IFT140: variants seen among roughly 807,000 people sequenced by gnomAD.
IFT140 encodes intraflagellar transport 140, also known as intraflagellar transport protein 140 homolog.
IFT140 carries 133 observed loss-of-function variants against 164.6 expected under a neutral mutation model. That is an observed-to-expected ratio of 0.81 (90% CI 0.70 to 0.93). IFT140 has a LOEUF of 0.93. Ranked by LOEUF, IFT140 falls within the 40% of genes least tolerant of loss-of-function variation. The probability of loss-of-function intolerance (pLI) is 0.00; values close to 1 mark genes in which losing one functional copy is unlikely to be tolerated. For synonymous variants in IFT140, 860 were observed against 817.3 expected, an observed-to-expected ratio of 1.05 and a Z score of -0.89; for missense variants, 2,045 against 1,972.3, an observed-to-expected ratio of 1.04 and a Z score of -0.70.
At chr16:1,588,533 T>A (rs1199426504) in intron 7 of IFT140, among the ~76,000 whole-genome samples, 2 of 149,740 alleles carry the variant, frequency 1.3e-5, no homozygotes, top group Non-Finnish European at 3.0e-5. Flanking sequence ...TCAAAAATAA[T>A]AATAATAATA....
chr16:1,524,076 C>T (rs1485646329), intron 24 of IFT140, 120 bp from the exon 25 acceptor site: 29 of 1,302,058 alleles, frequency 2.2e-5, no homozygotes, highest in Non-Finnish European at 3.0e-5. Context: ...GCTCAGCGAT[C>T]TCTGCGGTGA....
chr16:1,553,667 A>G lies in IFT140; in HGVS notation c.2399+4268T>C. ...GAGGGAGGGGTGCTGGGTGGGCAGA[A>G]GCGGGGCTGGGGCTGAAGGCTGGCT... is the stretch of plus-strand genomic sequence containing the variant. On this transcript the variant is annotated intron_variant, in intron 19 of 30. Transcript: ENST00000426508. The surrounding 1 kb of genome is among the most constrained non-coding windows in gnomAD (Gnocchi z 4.4). 3.7e-6 allele frequency: 4 copies of G among 1,069,554 alleles called. No individual in the cohort carries two copies. The highest frequency in any genetic ancestry group is 4.6e-6 in the Non-Finnish European group (4 of 877,406). The allele number at this position is 1,069,554 out of a possible 1,614,324, so 66.3% of individuals were successfully genotyped here. A position where few individuals can be genotyped will look rare whatever the true frequency, so the allele number is the denominator to read the frequency against.
intron 15 of IFT140, 94 bp from the exon 16 acceptor site, chr16:1,566,385 G>T: frequency 8.2e-7 from 1 of 1,226,864 alleles, no homozygotes; most frequent in Non-Finnish European, 1.2e-6. Context: ...CATGTCAAGA[G>T]AAACACACCC....
chr16:1,513,812 T>C (rs906123425), intron 30 of IFT140, among the ~76,000 whole-genome samples: 4 of 149,718 alleles, frequency 2.7e-5, no homozygotes, highest in Admixed American at 6.6e-5. Context: ...TAGCTGGGAC[T>C]ACAGGCGCCC....
At chr16:1,530,133 C>CTTTT (rs922819138) in intron 19 of IFT140, among the ~76,000 whole-genome samples, 33 of 88,578 alleles carry the variant, frequency 3.7e-4, no homozygotes, top group East Asian at 1.0e-3. Context: ...CGACGGGAAT[C>CTTTT]TTTTTTTTTT....
intron 19 of IFT140, chr16:1,555,210 C>T (rs1032562755): frequency 1.4e-5 from 11 of 775,884 alleles, no homozygotes; most frequent in South Asian, 7.6e-5. Flanking sequence ...TATGTCTGTA[C>T]GTGTCGTGGG....
At position 1,510,991 on chromosome 16, in the gene IFT140, TG is replaced by T. The variant is rs1209319873; in HGVS notation, c.4341del (p.Arg1448GlyfsTer90). 1 of 1,611,818 alleles carries T rather than the reference TG, an allele frequency of 6.2e-7. No homozygotes were observed. The highest frequency in any genetic ancestry group is 8.5e-7 in the Non-Finnish European group (1 of 1,179,126). ...TCCACCACCTCCTCGTCCAGCTCCC[TG>T]GCGTCCTCCATGCTGTTGTGGCGGA... is the stretch of plus-strand genomic sequence containing the variant. ...EQVRHNSMEDARELDEEVVEE... is the reference protein window; with the variant it reads ...EQVRHNSMEDXRELDEEVVEE... On this transcript the variant is annotated frameshift_variant, in exon 31 of 31. Coordinates refer to ENST00000426508, the MANE Select transcript of IFT140 (RefSeq NM_014714.4). LOFTEE classifies it high-confidence loss of function.
At chr16:1,578,237 G>A (rs747694845) in intron 13 of IFT140, 3 of 151,982 alleles carry the variant, frequency 2.0e-5, no homozygotes, top group Non-Finnish European at 2.9e-5. Context: ...CTTGTCTCCC[G>A]TCTGGATGCC....
chr16:1,537,089 A>G (rs1415222083), intron 19 of IFT140, among the ~76,000 whole-genome samples: 1 of 152,022 alleles, frequency 6.6e-6, no homozygotes, highest in Non-Finnish European at 1.5e-5. Flanking sequence ...ATCACCCAGC[A>G]CGTATGATGG....
intron 8 of IFT140, among the ~76,000 whole-genome samples, chr16:1,587,699 C>T (rs1421186739): frequency 6.6e-6 from 1 of 152,208 alleles, no homozygotes; most frequent in African/African-American, 2.4e-5. Context: ...AAGGCAGGGC[C>T]ACCTGGGGGT....
At position 1,521,860 on chromosome 16, in the gene IFT140, A is replaced by AG. The variant is rs139918041; in HGVS notation, c.3454-1053dup. ...ACACAGTCAGACCCCCATCTCCACA[A>AG]GAAAAAAAAACAGTAATAACCCACA... On this transcript the variant is annotated intron_variant, in intron 26 of 30. Coordinates refer to ENST00000426508, the MANE Select transcript of IFT140 (RefSeq NM_014714.4). Among the ~76,000 whole-genome samples the AG allele has an allele frequency of 4.8e-5, 7 of 145,530 alleles. No individual in the cohort carries two copies. The East Asian group carries it at 1.4e-3, about 29-fold the overall frequency.
chr16:1,567,665 C>A (rs1323655672), intron 15 of IFT140, among the ~76,000 whole-genome samples: 1 of 152,236 alleles, frequency 6.6e-6, no homozygotes, highest in Admixed American at 6.5e-5. Context: ...GGCCCTTGAA[C>A]AAGCGAATGA....
At chr16:1,550,792 A>G (rs745926557) in intron 19 of IFT140, among the ~76,000 whole-genome samples, 2 of 152,194 alleles carry the variant, frequency 1.3e-5, no homozygotes, top group South Asian at 2.1e-4. Flanking sequence ...TGACTTCCCC[A>G]TCTCTCTAAG....
In IFT140 at chr16:1,598,604, C is replaced by T. The variant is rs2035584773; in HGVS notation, c.369+3766G>A. On this transcript the variant is annotated intron_variant, in intron 4 of 30. Transcript: ENST00000426508. ...CACTCTGAGATACTACTTTCCTGAG[C>T]AGTTCTGCTACTCACACGCAACTCT... Among the ~76,000 whole-genome samples the T allele has an allele frequency of 2.0e-5, 3 of 152,272 alleles. No individual in the cohort carries two copies. In the South Asian group the frequency reaches 6.2e-4, roughly 31 times the overall value.
chr16:1,548,866 G>T (rs1231095598), intron 19 of IFT140, among the ~76,000 whole-genome samples: 1 of 152,260 alleles, frequency 6.6e-6, no homozygotes, highest in Non-Finnish European at 1.5e-5. Context: ...AGCTACAGGC[G>T]CCTCTGCATT....
At chr16:1,515,346 C>G (rs919142834) in intron 30 of IFT140, among the ~76,000 whole-genome samples, 1 of 152,140 alleles carries the variant, frequency 6.6e-6, no homozygotes, top group Non-Finnish European at 1.5e-5. Context: ...GCTGACTCTT[C>G]CAGAAACAAT....
At chr16:1,554,771 C>A (rs1444939731) in intron 19 of IFT140, 1 of 1,613,620 alleles carries the variant, frequency 6.2e-7, no homozygotes, top group Non-Finnish European at 8.5e-7. Context: ...CAACCCTTCT[C>A]TCATCTGCAG....
At chr16:1,562,196 C>T in intron 17 of IFT140, 80 bp from the exon 18 acceptor site, 3 of 1,301,778 alleles carry the variant, frequency 2.3e-6, no homozygotes, top group South Asian at 3.2e-5. Flanking sequence ...CATTTTGCTA[C>T]ACACACTGCG....
intron 19 of IFT140, among the ~76,000 whole-genome samples, chr16:1,544,853 TTAG>T (rs992704104): frequency 2.0e-5 from 3 of 151,866 alleles, no homozygotes; most frequent in African/African-American, 7.3e-5. Flanking sequence ...TTTCACCGTG[TTAG>T]CCAGGATGGT....
Sources: allele counts gnomAD v4.1 joint callset (sites outside exome capture counted in the v4.1 genomes callset), GRCh38; gene constraint gnomAD v4.1.1; non-coding constraint Gnocchi (gnomAD v3.1); transcripts MANE v1.5; gene names NCBI Gene and HGNC (gene_info 2026-07-23, HGNC 2026-07-21).